WWC2: variants seen among roughly 807,000 people sequenced by gnomAD.
WWC2 encodes protein WWC2.
In WWC2, 101 loss-of-function variants were observed where a neutral mutation model predicts 138.5. The ratio of observed to expected loss-of-function variants is 0.73; its 90% CI spans 0.62 to 0.86. The LOEUF (loss-of-function observed/expected upper bound fraction) is 0.86, where lower values mean the gene tolerates loss of function less well. WWC2 is among the 40% of genes least tolerant of loss of function. The probability of loss-of-function intolerance (pLI) is 0.00; values close to 1 mark genes in which losing one functional copy is unlikely to be tolerated. For synonymous variants in WWC2, 558 were observed against 538.4 expected, an observed-to-expected ratio of 1.04 and a Z score of -0.50; for missense variants, 1,420 against 1,419.4, an observed-to-expected ratio of 1.00 and a Z score of -0.01.
At chr4:183,263,913 C>T (rs1001589775) in intron 11 of WWC2, among the ~76,000 whole-genome samples, 10 of 152,186 alleles carry the variant, frequency 6.6e-5, no homozygotes, top group Non-Finnish European at 1.0e-4. Context: ...GTCCCTTTTA[C>T]GTAAACTTTG....
In WWC2 at chr4:183,230,474, C is replaced by T. The variant is rs569753200; in HGVS notation, c.523-9709C>T. On this transcript the variant is annotated intron_variant, in intron 4 of 22. Coordinates refer to ENST00000403733, the MANE Select transcript of WWC2 (RefSeq NM_024949.6). ...GATGGATCACTTGAGGTCAGGAGTTCGAGACCGGCCTGACCAATATGGTGA... is the reference window on the plus strand; with the variant it reads ...GATGGATCACTTGAGGTCAGGAGTTTGAGACCGGCCTGACCAATATGGTGA... 2.0e-4 allele frequency among the ~76,000 whole-genome samples: 31 copies of T among 152,294 alleles called. 1 individual carries two copies. The East Asian group carries it at 3.5e-3, about 17-fold the overall frequency.
chr4:183,173,051 C>T (rs1368004730), intron 1 of WWC2, among the ~76,000 whole-genome samples: 2 of 151,888 alleles, frequency 1.3e-5, no homozygotes, highest in African/African-American at 4.8e-5. Context: ...CCCTCTCCTC[C>T]CCTCCTCTCC....
At chr4:183,150,613 T>A (rs1457873415) in intron 1 of WWC2, among the ~76,000 whole-genome samples, 1 of 152,166 alleles carries the variant, frequency 6.6e-6, no homozygotes, top group African/African-American at 2.4e-5. Context: ...GTGTGCTGTG[T>A]TGGTTTGCTG....
chr4:183,255,597 A>G (rs1271526669), intron 9 of WWC2, among the ~76,000 whole-genome samples: 4 of 152,186 alleles, frequency 2.6e-5, no homozygotes, highest in Admixed American at 6.5e-5. Flanking sequence ...CAGCTGTTCT[A>G]CTTTGTAGTA....
intron 2 of WWC2, among the ~76,000 whole-genome samples, chr4:183,198,789 TAA>T (rs56182831): frequency 1.8e-4 from 13 of 72,340 alleles, no homozygotes; most frequent in Admixed American, 2.3e-4. Context: ...CTCGTCTCTT[TAA>T]AAAAAAAAAA....
intron 1 of WWC2, among the ~76,000 whole-genome samples, chr4:183,161,773 A>C (rs140098767): frequency 5.3e-4 from 80 of 152,318 alleles, no homozygotes; most frequent in African/African-American, 1.9e-3. Flanking sequence ...CTAGGTGTGT[A>C]GTAGGCTACA....
At chr4:183,260,524 G>C (rs1447566901) in intron 10 of WWC2, among the ~76,000 whole-genome samples, 1 of 152,166 alleles carries the variant, frequency 6.6e-6, no homozygotes, top group Non-Finnish European at 1.5e-5. Context: ...TTCTAGTTTA[G>C]CTATGTTTAG....
intron 5 of WWC2, among the ~76,000 whole-genome samples, chr4:183,244,218 A>G (rs1736704403): frequency 6.6e-6 from 1 of 152,192 alleles, no homozygotes; most frequent in Non-Finnish European, 1.5e-5. Flanking sequence ...GAACTCGTGC[A>G]GTATTCATAA....
At chr4:183,219,416 A>G (rs577733307) in intron 4 of WWC2, among the ~76,000 whole-genome samples, 1 of 152,312 alleles carries the variant, frequency 6.6e-6, no homozygotes, top group South Asian at 2.1e-4. Context: ...GTTAAAGGTA[A>G]TGTCTTCAAG....
intron 1 of WWC2, among the ~76,000 whole-genome samples, chr4:183,108,016 A>G (rs1444276116): frequency 1.3e-5 from 2 of 152,158 alleles, no homozygotes. Context: ...TTGGCAAAGT[A>G]TATATTAATT....
rs922007794 is a variant in WWC2 at position 183,293,107 on chromosome 4, G to A, written c.3384+3472G>A. On this transcript the variant is annotated intron_variant, in intron 21 of 22. Coordinates refer to ENST00000403733, the MANE Select transcript of WWC2 (RefSeq NM_024949.6). ...GTAGCTGGGGCTACAGGTGCACACCGCCACACTCAGCTAATTTTTGTATTT... is the reference window on the plus strand; with the variant it reads ...GTAGCTGGGGCTACAGGTGCACACCACCACACTCAGCTAATTTTTGTATTT... Among the ~76,000 whole-genome samples, 31 of 152,124 alleles carry A rather than the reference G, an allele frequency of 2.0e-4. 1 individual carries two copies. Among genetic ancestry groups the A allele is most frequent in the Non-Finnish European group, 3.2e-4 (22 of 68,000 alleles).
At chr4:183,249,782 C>T (rs1736914562) in intron 7 of WWC2, 138 bp from the exon 8 acceptor site, 1 of 633,070 alleles carries the variant, frequency 1.6e-6, no homozygotes, top group Non-Finnish European at 2.7e-6. Context: ...AAATAAGTGT[C>T]TTTTAAAATT....
At position 183,265,118 on chromosome 4, in the gene WWC2, A is replaced by G; in HGVS notation, c.2039+11A>G. 1.3e-6 allele frequency: 2 copies of G among 1,597,080 alleles called. No homozygotes were observed. The highest frequency in any genetic ancestry group is 1.7e-6 in the Non-Finnish European group (2 of 1,171,730). On this transcript the variant is annotated intron_variant, in intron 12 of 22. Transcript: ENST00000403733. Reference sequence around the variant, plus strand: ...AGCTTTCGTGAAACAGTAAGGATTCAGCAGGGGCGCTTTTAGCTCCAGCGA... The same window carrying G: ...AGCTTTCGTGAAACAGTAAGGATTCGGCAGGGGCGCTTTTAGCTCCAGCGA...
chr4:183,245,820 G>A (rs868462189), intron 6 of WWC2, among the ~76,000 whole-genome samples: 3 of 152,298 alleles, frequency 2.0e-5, no homozygotes, highest in Middle Eastern at 3.4e-3. Context: ...GCTCATGTGA[G>A]GAGATTAACA....
chr4:183,245,374 A>G (rs377392771), intron 5 of WWC2, 42 bp from the exon 6 acceptor site: 8 of 1,456,950 alleles, frequency 5.5e-6, no homozygotes, highest in African/African-American at 2.9e-5. Flanking sequence ...CTTATATGCT[A>G]TCATTCTTTG....
At chr4:183,217,813 G>A (rs1046018054) in intron 4 of WWC2, among the ~76,000 whole-genome samples, 2 of 152,050 alleles carry the variant, frequency 1.3e-5, no homozygotes, top group Non-Finnish European at 2.9e-5. Flanking sequence ...TTAGACATGT[G>A]TAATTAAAGT....
At chr4:183,107,849 T>A (rs1390186072) in intron 1 of WWC2, among the ~76,000 whole-genome samples, 1 of 151,918 alleles carries the variant, frequency 6.6e-6, no homozygotes, top group African/African-American at 2.4e-5. Context: ...TCAGCTTGCC[T>A]ACAATCTAGT....
chr4:183,187,582 A>AATAATAATAATG (rs1553966213), intron 1 of WWC2, among the ~76,000 whole-genome samples: 1 of 140,534 alleles, frequency 7.1e-6, no homozygotes, highest in Non-Finnish European at 1.5e-5. Flanking sequence ...TAATAATAAT[A>AATAATAATAATG]ATAATAGGCA....
chr4:183,189,584 T>G (rs1277282655), intron 1 of WWC2, among the ~76,000 whole-genome samples: 2 of 152,234 alleles, frequency 1.3e-5, no homozygotes, highest in African/African-American at 4.8e-5. Flanking sequence ...CCCTGTTCTC[T>G]TAGAGCAATT....
Sources: allele counts gnomAD v4.1 joint callset (sites outside exome capture counted in the v4.1 genomes callset), GRCh38; gene constraint gnomAD v4.1.1; transcripts MANE v1.5; gene names NCBI Gene and HGNC (gene_info 2026-07-23, HGNC 2026-07-21).